The following CCT6B variants were observed in gnomAD, a reference collection of about 807,000 sequenced individuals.
CCT6B encodes the protein chaperonin containing TCP1 subunit 6B.
CCT6B carries 49 observed loss-of-function variants against 61.5 expected under a neutral mutation model. The observed-to-expected ratio is 0.80, with a 90% confidence interval of 0.63 to 1.01. The LOEUF is 1.01. Ranked by LOEUF, CCT6B falls within the 50% of genes least tolerant of loss-of-function variation. The pLI is 0.00. For synonymous variants in CCT6B, 228 were observed against 214.5 expected (o/e 1.06, Z -0.55); for missense variants, 666 against 634.7 (o/e 1.05, Z -0.53).
At chr17:34,949,059 G>A (rs2090258442) in intron 5 of CCT6B, among the ~76,000 whole-genome samples, 1 of 117,018 alleles carries the variant, frequency 8.5e-6, no homozygotes, top group Non-Finnish European at 1.8e-5. Context: ...GGAACGGAAA[G>A]GAAGGGAAGG....
chr17:34,955,440 C>T (rs2090337255), intron 3 of CCT6B, among the ~76,000 whole-genome samples: 1 of 151,974 alleles, frequency 6.6e-6, no homozygotes, highest in Non-Finnish European at 1.5e-5. Context: ...ATGTCTGCAA[C>T]ATACAGTTTA....
rs964122451 is a variant in CCT6B, at chr17:34,961,390, C to T, written c.4G>A (p.Ala2Thr). Reference protein sequence around the residue: MAAIKAVNSKAE... With the variant: MTAIKAVNSKAE... Reference sequence around the variant, plus strand: ...TTGGAGTTGACGGCCTTTATCGCAGCCATAGCCTAACCGTTCAGAGGGAGA... The same window carrying T: ...TTGGAGTTGACGGCCTTTATCGCAGTCATAGCCTAACCGTTCAGAGGGAGA... Residue 2 changes from alanine to threonine, a missense_variant, in exon 1 of 14, where the codon GCT becomes ACT. Ala to Thr is a moderately conservative substitution (Grantham distance 58, BLOSUM62 0). Transcript: ENST00000314144. 1.2e-6 allele frequency: 2 copies of T among 1,605,682 alleles called. No homozygotes were observed. Among genetic ancestry groups the T allele is most frequent in the Non-Finnish European group, 1.7e-6 (2 of 1,177,876 alleles).
chr17:34,939,076 T>C (rs1413652087), intron 10 of CCT6B, 107 bp downstream of exon 10: 3 of 941,202 alleles, frequency 3.2e-6, no homozygotes, highest in Non-Finnish European at 4.7e-6. Flanking sequence ...AGAGGAAGAC[T>C]CTGTCTAAAA....
Position 34,927,929 on chromosome 17 carries a change from A to G in CCT6B, c.*119T>C. ...ATATTTTTGAGACTATTAAGACCCA[A>G]AAGACATAAACTGCATTTATTGTGT... On this transcript the variant is annotated 3_prime_UTR_variant, in exon 14 of 14. Coordinates refer to ENST00000314144, the MANE Select transcript of CCT6B (RefSeq NM_006584.4). 1 of 612,726 alleles carries G rather than the reference A, an allele frequency of 1.6e-6. No homozygotes were observed. The highest frequency in any genetic ancestry group is 2.8e-6 in the Non-Finnish European group (1 of 358,304). 38.0% of individuals were successfully genotyped at this position (612,726 alleles called of 1,614,324 possible).
In CCT6B at chr17:34,930,996, G is replaced by A. The variant is rs2090028860; in HGVS notation, c.1403C>T (p.Ala468Val). 1.2e-6 allele frequency: 2 copies of A among 1,605,460 alleles called. No homozygotes were observed. Among genetic ancestry groups the A allele is most frequent in the Non-Finnish European group, 1.7e-6 (2 of 1,174,514 alleles). ...DPQETLVKVQ[A>V]EHVESKQLVG... ...AAGTTGTTTTGACTCGACATGCTCA[G>A]CCTGAACTTTTACTAATGTTTCCTG... The change falls in exon 12 of 14, where the codon GCT becomes GTT. Residue 468 changes from alanine to valine, a missense_variant. Transcript: ENST00000314144.
chr17:34,952,074 A>T, intron 4 of CCT6B, 21 bp from the exon 5 acceptor site: 1 of 1,430,030 alleles, frequency 7.0e-7, no homozygotes, highest in South Asian at 1.2e-5. Flanking sequence ...AATGAATGAG[A>T]ACAGTTAAGT....
At chr17:34,944,945 A>G (rs1028429626) in intron 5 of CCT6B, among the ~76,000 whole-genome samples, 1 of 152,234 alleles carries the variant, frequency 6.6e-6, no homozygotes, top group Non-Finnish European at 1.5e-5. Context: ...AAAAAAAGTA[A>G]ATGTTTTCCA....
chr17:34,958,690 A>C lies in CCT6B; in HGVS notation c.206T>G (p.Ile69Ser). The change falls in exon 3 of 14, where the codon ATT becomes AGT. Residue 69 changes from isoleucine (I) to serine (S), a missense_variant. Coordinates refer to ENST00000314144, the MANE Select transcript of CCT6B (RefSeq NM_006584.4). ...TATCAAGGAAGCTGTTGGATGTTGA[A>C]TTTGCTGGAAAAAGCAAGCAACAGA... ...DGNVLLDEMQIQHPTASLIAK... is the reference protein window; with the variant it reads ...DGNVLLDEMQSQHPTASLIAK... 6.3e-7 allele frequency: 1 copy of C among 1,591,574 alleles called. No individual in the cohort carries two copies. Among genetic ancestry groups the C allele is most frequent in the Non-Finnish European group, 8.5e-7 (1 of 1,170,134 alleles).
intron 12 of CCT6B, 64 bp from the exon 13 acceptor site, chr17:34,929,098 C>A: frequency 1.0e-6 from 1 of 983,340 alleles, no homozygotes; most frequent in Non-Finnish European, 1.6e-6. Flanking sequence ...TAATTGATAT[C>A]TTCTAAAAAT....
At chr17:34,957,193 A>G (rs1393017012) in intron 3 of CCT6B, among the ~76,000 whole-genome samples, 1 of 130,152 alleles carries the variant, frequency 7.7e-6, no homozygotes, top group Non-Finnish European at 1.6e-5. Flanking sequence ...TGCCCAGGCT[A>G]GAGTATGATG....
At position 34,951,951 on chromosome 17, in the gene CCT6B, TTG is replaced by T. The variant is rs748870497; in HGVS notation, c.611_612del (p.Thr204LysfsTer36). The T allele has an allele frequency of 2.0e-6, 3 of 1,497,912 alleles. No individual in the cohort carries two copies. The African/African-American group carries it at 4.1e-5, about 21-fold the overall frequency. 92.8% of individuals were successfully genotyped at this position (1,497,912 alleles called of 1,614,324 possible). On this transcript the variant is annotated frameshift_variant and splice_region_variant, in exon 5 of 14. Coordinates refer to ENST00000314144, the MANE Select transcript of CCT6B (RefSeq NM_006584.4). LOFTEE classifies it high-confidence loss of function. ...MEMKHKLGTDTKLIQGLVLDH... is the reference protein window; with the variant it reads ...MEMKHKLGTDXKLIQGLVLDH... ...GTTGTCAAAGCTTATGTAATTTACTTTGTATCTGTTCCTAATTTATGCTTCAT... is the reference window on the plus strand; with the variant it reads ...GTTGTCAAAGCTTATGTAATTTACTTTATCTGTTCCTAATTTATGCTTCAT...
chr17:34,942,705 A>G, intron 6 of CCT6B, 62 bp from the exon 7 acceptor site: 1 of 1,489,102 alleles, frequency 6.7e-7, no homozygotes, highest in South Asian at 1.2e-5. Context: ...AGATAGAAGT[A>G]GTCTACACCA....
chr17:34,929,056 CA>C (rs1444894851), intron 12 of CCT6B, 22 bp from the exon 13 acceptor site: 1 of 1,480,584 alleles, frequency 6.8e-7, no homozygotes, highest in African/African-American at 1.4e-5. Flanking sequence ...AAACAATTTT[CA>C]TACCAAAATC....
chr17:34,939,115 G>A (rs776042343), intron 10 of CCT6B, 68 bp downstream of exon 10: 49 of 1,220,212 alleles, frequency 4.0e-5, no homozygotes, highest in Non-Finnish European at 5.4e-5. Flanking sequence ...ATAGGTGTGT[G>A]TGTATATATA....
intron 11 of CCT6B, among the ~76,000 whole-genome samples, chr17:34,932,032 C>G (rs2090041368): frequency 6.6e-6 from 1 of 152,106 alleles, no homozygotes; most frequent in Non-Finnish European, 1.5e-5. Context: ...AGATGTACCA[C>G]AAAATCTAAC....
In CCT6B at chr17:34,928,131, T is replaced by C. The variant is rs1304768116; in HGVS notation, c.1524-14A>G. On this transcript the variant is annotated splice_polypyrimidine_tract_variant and intron_variant, in intron 13 of 13. Coordinates refer to ENST00000314144, the MANE Select transcript of CCT6B (RefSeq NM_006584.4). ...GCAATCACTGTGCTAAGGAAAAAGA[T>C]GAGAGGGTGAGTAAAGCCTACTAAC... 2.5e-6 allele frequency: 4 copies of C among 1,589,074 alleles called. No homozygotes were observed. The highest frequency in any genetic ancestry group is 3.4e-6 in the Non-Finnish European group (4 of 1,160,462).
chr17:34,944,783 G>A (rs543647190), intron 5 of CCT6B, among the ~76,000 whole-genome samples: 13 of 152,276 alleles, frequency 8.5e-5, no homozygotes, highest in Middle Eastern at 3.4e-3. Context: ...AAAATTAGTC[G>A]GGCCTGGTGG....
chr17:34,942,536 TTCAGG>T lies in CCT6B; in HGVS notation c.828_832del (p.Asp276GlufsTer10). 6.2e-7 allele frequency: 1 copy of T among 1,604,484 alleles called. No homozygotes were observed. Among genetic ancestry groups the T allele is most frequent in the Non-Finnish European group, 8.5e-7 (1 of 1,177,430 alleles). ...ATTTGACTGAGCACAGACTTTGTCC[TTCAGG>T]TCTATTATTTTTTGTACTCTATCTT... On this transcript the variant is annotated frameshift_variant, in exon 7 of 14. Coordinates refer to ENST00000314144, the MANE Select transcript of CCT6B (RefSeq NM_006584.4). LOFTEE classifies it high-confidence loss of function.
chr17:34,950,890 T>C (rs2090283937), intron 5 of CCT6B, among the ~76,000 whole-genome samples: 3 of 150,386 alleles, frequency 2.0e-5, no homozygotes, highest in Non-Finnish European at 3.0e-5. Flanking sequence ...GATCACGCCA[T>C]TGCACTCCAG....
Sources: allele counts gnomAD v4.1 joint callset (sites outside exome capture counted in the v4.1 genomes callset), GRCh38; gene constraint gnomAD v4.1.1; transcripts MANE v1.5; gene names NCBI Gene and HGNC (gene_info 2026-07-23, HGNC 2026-07-21).